The following PDGFC variants were observed in gnomAD, a reference collection of about 807,000 sequenced individuals.
PDGFC encodes platelet derived growth factor C.
PDGFC carries 12 observed loss-of-function variants against 35.5 expected under a neutral mutation model. That is an observed-to-expected ratio of 0.34 (90% confidence interval 0.22 to 0.55). The LOEUF (loss-of-function observed/expected upper bound fraction) is 0.55, where lower values mean the gene tolerates loss of function less well. Among genes scored for constraint, PDGFC ranks in the 20% least tolerant of loss-of-function variants. The probability of loss-of-function intolerance (pLI) is 0.91; values close to 1 mark genes in which losing one functional copy is unlikely to be tolerated. For synonymous variants in PDGFC, 159 were observed against 148.8 expected, an observed-to-expected ratio of 1.07 and a Z score of -0.50; for missense variants, 322 against 412.4, an observed-to-expected ratio of 0.78 and a Z score of 1.90.
intron 1 of PDGFC, among the ~76,000 whole-genome samples, chr4:156,954,461 T>C (rs1732156821): frequency 6.6e-6 from 1 of 151,954 alleles, no homozygotes; most frequent in African/African-American, 2.4e-5. Flanking sequence ...AGTTATATCT[T>C]ATGTTAACTA....
intron 2 of PDGFC, among the ~76,000 whole-genome samples, chr4:156,811,871 A>T (rs1373566914): frequency 6.6e-6 from 1 of 152,022 alleles, no homozygotes; most frequent in East Asian, 1.9e-4. Context: ...AGTGATTGAA[A>T]TGTAGCAGGC....
chr4:156,952,133 G>C (rs1732098788), intron 1 of PDGFC, among the ~76,000 whole-genome samples: 1 of 151,756 alleles, frequency 6.6e-6, no homozygotes, highest in African/African-American at 2.4e-5. Context: ...TAAAATACTA[G>C]TGTTTCAAAT....
chr4:156,884,708 A>C (rs1347765732), intron 1 of PDGFC, among the ~76,000 whole-genome samples: 2 of 152,250 alleles, frequency 1.3e-5, no homozygotes, highest in African/African-American at 2.4e-5. Flanking sequence ...AGTAAAAAGA[A>C]GAATTTAAAT....
intron 1 of PDGFC, among the ~76,000 whole-genome samples, chr4:156,856,828 G>A (rs1262797747): frequency 6.6e-6 from 1 of 152,044 alleles, no homozygotes; most frequent in Non-Finnish European, 1.5e-5. Flanking sequence ...TACATTTGAT[G>A]TCTTACTCAA....
chr4:156,901,736 C>A (rs1378272995), intron 1 of PDGFC, among the ~76,000 whole-genome samples: 1 of 151,494 alleles, frequency 6.6e-6, no homozygotes, highest in East Asian at 1.9e-4. Flanking sequence ...GATTCTCGTG[C>A]CTCGGCCTCC....
chr4:156,820,788 C>T (rs1266375983), intron 2 of PDGFC, among the ~76,000 whole-genome samples: 1 of 152,080 alleles, frequency 6.6e-6, no homozygotes, highest in East Asian at 1.9e-4. Flanking sequence ...TAGATAAAAA[C>T]TGGGTAAACT....
At chr4:156,945,425 T>C (rs1476275345) in intron 1 of PDGFC, among the ~76,000 whole-genome samples, 1 of 142,330 alleles carries the variant, frequency 7.0e-6, no homozygotes, top group Non-Finnish European at 1.5e-5. Context: ...GTAATATGCT[T>C]TCTTCTAGAC....
chr4:156,952,629 A>T (rs968363072), intron 1 of PDGFC, among the ~76,000 whole-genome samples: 1 of 151,870 alleles, frequency 6.6e-6, no homozygotes, highest in Non-Finnish European at 1.5e-5. Context: ...CCCAATGCCT[A>T]AGATATTTCC....
At chr4:156,892,325 TC>T (rs1409612634) in intron 1 of PDGFC, among the ~76,000 whole-genome samples, 1 of 152,196 alleles carries the variant, frequency 6.6e-6, no homozygotes, top group Non-Finnish European at 1.5e-5. Flanking sequence ...GCTTCTCTAC[TC>T]AGCTTGGAAA....
In PDGFC at chr4:156,971,343, C is replaced by G; in HGVS notation, c.-440G>C. On this transcript the variant is annotated 5_prime_UTR_variant, in exon 1 of 6. Transcript: ENST00000502773. ...GCCAGACTGGAAGCCAAGTCGGCGG[C>G]GAGCAGTTTCTGATCAATAACAAAG... 2.5e-6 allele frequency: 1 copy of G among 399,042 alleles called. No individual in the cohort carries two copies. The highest frequency in any genetic ancestry group is 4.4e-6 in the Non-Finnish European group (1 of 226,416). The allele number at this position is 399,042 out of a possible 1,614,324, so 24.7% of individuals were successfully genotyped here. A position where few individuals can be genotyped will look rare whatever the true frequency, so the allele number is the denominator to read the frequency against.
rs557345688 is a variant in PDGFC, at chr4:156,963,602, T to G, written c.118+7184A>C. ...TTTAGTGAAGCCAGCCTGGCAAAGA[T>G]AGTCTGGTGTGGAAACAGGGCAAAT... On this transcript the variant is annotated intron_variant, in intron 1 of 5. Transcript: ENST00000502773. Among the ~76,000 whole-genome samples, 3 of 152,058 alleles carry G rather than the reference T, an allele frequency of 2.0e-5. No homozygotes were observed. The South Asian group carries it at 6.2e-4, about 32-fold the overall frequency.
intron 1 of PDGFC, among the ~76,000 whole-genome samples, chr4:156,932,053 T>C (rs1731562082): frequency 6.6e-6 from 1 of 152,198 alleles, no homozygotes; most frequent in Non-Finnish European, 1.5e-5. Flanking sequence ...AGGTAAGAGA[T>C]GGATATTTAC....
chr4:156,945,383 A>T (rs1195022458), intron 1 of PDGFC, among the ~76,000 whole-genome samples: 1 of 126,696 alleles, frequency 7.9e-6, no homozygotes, highest in Non-Finnish European at 1.7e-5. Flanking sequence ...ATATATATAT[A>T]TATATATAAT....
At chr4:156,837,697 C>T (rs1729095722) in intron 2 of PDGFC, among the ~76,000 whole-genome samples, 1 of 152,050 alleles carries the variant, frequency 6.6e-6, no homozygotes, top group South Asian at 2.1e-4. Context: ...CAATATCAAA[C>T]AGACAAGCTA....
At chr4:156,938,766 T>C (rs186469556) in intron 1 of PDGFC, among the ~76,000 whole-genome samples, 1 of 151,800 alleles carries the variant, frequency 6.6e-6, no homozygotes, top group Non-Finnish European at 1.5e-5. Context: ...CTAAAAGTTA[T>C]CTATGATCTG....
chr4:156,857,224 G>C (rs1238870570), intron 1 of PDGFC, among the ~76,000 whole-genome samples: 2 of 151,414 alleles, frequency 1.3e-5, no homozygotes, highest in African/African-American at 4.9e-5. Flanking sequence ...AATAGAATAA[G>C]AGAGAAAATT....
intron 2 of PDGFC, among the ~76,000 whole-genome samples, chr4:156,829,217 G>T (rs1033524380): frequency 2.6e-5 from 4 of 152,076 alleles, no homozygotes; most frequent in African/African-American, 9.7e-5. Context: ...GAATATACAG[G>T]ATTATATTTT....
At position 156,971,050 on chromosome 4, in the gene PDGFC, A is replaced by C; in HGVS notation, c.-147T>G. 1 of 603,126 alleles carries C rather than the reference A, an allele frequency of 1.7e-6. No homozygotes were observed. The highest frequency in any genetic ancestry group is 3.0e-6 in the Non-Finnish European group (1 of 337,774). 37.4% of individuals were successfully genotyped at this position (603,126 alleles called of 1,614,324 possible). ...AGCAGAGAATCGCAGGGTAGTTTCC[A>C]CATAATCCCATCCAAAACTTTTTCC... On this transcript the variant is annotated 5_prime_UTR_variant, in exon 1 of 6. Transcript: ENST00000502773.
At chr4:156,930,652 G>A (rs754411655) in intron 1 of PDGFC, among the ~76,000 whole-genome samples, 32 of 152,282 alleles carry the variant, frequency 2.1e-4, no homozygotes, top group Non-Finnish European at 4.4e-4. Flanking sequence ...CAGATAACCT[G>A]AAGTCAGGAG....
Sources: gnomAD v4.1 joint callset for allele counts (sites outside exome capture counted in the v4.1 genomes callset) on GRCh38, gnomAD v4.1.1 for gene constraint, MANE v1.5 for transcripts, NCBI Gene and HGNC (gene_info 2026-07-23, HGNC 2026-07-21) for gene names.